STPG2: variants seen among roughly 807,000 people sequenced by gnomAD.
The protein encoded by STPG2 is sperm-tail PG-rich repeat-containing protein 2.
In STPG2, 56 loss-of-function variants were observed where a neutral mutation model predicts 54.2. That is an observed-to-expected ratio of 1.03 (90% CI 0.83 to 1.29). STPG2 has a LOEUF of 1.29. Ranked by LOEUF, STPG2 falls within the 50% of genes most tolerant of loss-of-function variation. The pLI is 0.00. For synonymous variants in STPG2, 200 were observed against 181.8 expected (o/e 1.10, Z -0.81); for missense variants, 596 against 544.9 (o/e 1.09, Z -0.93).
At chr4:97,788,936 A>C (rs923211530) in intron 9 of STPG2, among the ~76,000 whole-genome samples, 1 of 152,092 alleles carries the variant, frequency 6.6e-6, no homozygotes, top group African/African-American at 2.4e-5. Context: ...CAATTTTACT[A>C]ACTCTTAAAA....
intron 2 of STPG2, among the ~76,000 whole-genome samples, chr4:98,130,739 G>A (rs1337318966): frequency 2.0e-5 from 3 of 151,624 alleles, no homozygotes; most frequent in South Asian, 2.1e-4. Flanking sequence ...TGGCTAACAC[G>A]GTGAAACCCC....
At chr4:98,140,680 T>A (rs995112181) in intron 1 of STPG2, among the ~76,000 whole-genome samples, 2 of 151,340 alleles carry the variant, frequency 1.3e-5, no homozygotes, top group Non-Finnish European at 2.9e-5. Flanking sequence ...TGGAAAAAAA[T>A]TTTAAAAGGG....
intron 5 of STPG2, among the ~76,000 whole-genome samples, chr4:97,983,434 C>T (rs188530718): frequency 1.0e-3 from 154 of 152,228 alleles, no homozygotes; most frequent in African/African-American, 3.7e-3. Flanking sequence ...GGTTGGCATC[C>T]CTAATCTCTA....
chr4:97,595,323 C>A (rs1188373216), intron 10 of STPG2, among the ~76,000 whole-genome samples: 1 of 151,310 alleles, frequency 6.6e-6, no homozygotes, highest in African/African-American at 2.5e-5. Context: ...AGCTGGAAAC[C>A]ATCATTCTCA....
At chr4:97,463,444 TTTGTTTTTTGTTTA>T (rs1393487174) in intron 4 of STPG2, 1 of 152,186 alleles carries the variant, frequency 6.6e-6, no homozygotes, top group Non-Finnish European at 1.5e-5. Flanking sequence ...GTTTTTGTTG[TTTGTTTTTTGTTTA>T]TTGTTTTTGA....
chr4:97,877,196 T>A (rs1042970853), intron 8 of STPG2, among the ~76,000 whole-genome samples: 1 of 152,194 alleles, frequency 6.6e-6, no homozygotes. Flanking sequence ...TTGTACCCTT[T>A]AATCAACATC....
At chr4:97,781,304 T>A (rs1726603137) in intron 9 of STPG2, among the ~76,000 whole-genome samples, 1 of 152,124 alleles carries the variant, frequency 6.6e-6, no homozygotes. Flanking sequence ...TATAAACACC[T>A]CTACGCAAAT....
chr4:97,512,080 G>C (rs534825188), intron 4 of STPG2, among the ~76,000 whole-genome samples: 16 of 152,110 alleles, frequency 1.1e-4, no homozygotes, highest in African/African-American at 3.9e-4. Flanking sequence ...AAGTTAACAA[G>C]TCATATAAGA....
intron 5 of STPG2, among the ~76,000 whole-genome samples, chr4:98,047,668 A>T (rs1248339362): frequency 6.6e-6 from 1 of 152,174 alleles, no homozygotes; most frequent in Non-Finnish European, 1.5e-5. Context: ...GGAGCACTCA[A>T]TACGTGAACA....
At chr4:98,030,414 C>T (rs534048456) in intron 5 of STPG2, among the ~76,000 whole-genome samples, 3 of 152,262 alleles carry the variant, frequency 2.0e-5, no homozygotes, top group South Asian at 4.1e-4. Context: ...TGGCTTTATA[C>T]ATTATCAAGG....
At chr4:97,899,720 G>T (rs7673305) in intron 8 of STPG2, among the ~76,000 whole-genome samples, 27,718 of 151,960 alleles carry the variant, frequency 0.18, 2,848 homozygotes, top group East Asian at 0.36. Context: ...ATGCAATGGG[G>T]AAAATAATCC....
At position 97,864,290 on chromosome 4, in the gene STPG2, C is replaced by A. The variant is rs572958597; in HGVS notation, c.1045-23358G>T. On this transcript the variant is annotated intron_variant, in intron 8 of 10. Transcript: ENST00000295268. Reference sequence around the variant, plus strand: ...TCAATGTGCAAAAATCACAAGCATTCTTAGACACCAATAACAGACAGCCAA... The same window carrying A: ...TCAATGTGCAAAAATCACAAGCATTATTAGACACCAATAACAGACAGCCAA... 5.2e-3 allele frequency among the ~76,000 whole-genome samples: 641 copies of A among 122,212 alleles called. 3 individuals carry two copies. Among genetic ancestry groups the A allele is most frequent in the South Asian group, 0.03 (117 of 3,882 alleles). 80.2% of individuals were successfully genotyped at this position (122,212 alleles called of 152,430 possible). A position where few individuals can be genotyped will look rare whatever the true frequency, so the allele number is the denominator to read the frequency against.
At chr4:97,849,775 G>A (rs377694896) in intron 8 of STPG2, among the ~76,000 whole-genome samples, 2 of 151,580 alleles carry the variant, frequency 1.3e-5, no homozygotes, top group African/African-American at 4.8e-5. Context: ...GAAACAACAG[G>A]TGCTGGAGAG....
rs556804589 is a variant in STPG2, at chr4:97,567,027, TATA to T, written c.1321-7913_1321-7911del. Among the ~76,000 whole-genome samples, 242 of 151,856 alleles carry T rather than the reference TATA, an allele frequency of 1.6e-3. 2 individuals carry two copies. The highest frequency in any genetic ancestry group is 5.5e-3 in the Admixed American group (84 of 15,266). ...TGCACATGTACCCTAAAACTTAAAG[TATA>T]ATAATAATAAAATAAATAAATAAAT... On this transcript the variant is annotated intron_variant, in intron 10 of 10. Coordinates refer to ENST00000295268, the MANE Select transcript of STPG2 (RefSeq NM_174952.3).
At chr4:97,839,041 T>A (rs1728716992) in intron 9 of STPG2, among the ~76,000 whole-genome samples, 1 of 151,596 alleles carries the variant, frequency 6.6e-6, no homozygotes, top group South Asian at 2.1e-4. Context: ...TGACAGTCAC[T>A]ATGTCTTTGA....
chr4:98,055,146 G>A (rs926173560), intron 5 of STPG2, among the ~76,000 whole-genome samples: 8 of 152,148 alleles, frequency 5.3e-5, no homozygotes, highest in African/African-American at 1.4e-4. Context: ...GATTATAGCA[G>A]AGAAACCAAA....
intron 10 of STPG2, among the ~76,000 whole-genome samples, chr4:97,591,572 C>T (rs971601914): frequency 6.6e-6 from 1 of 152,130 alleles, no homozygotes; most frequent in Non-Finnish European, 1.5e-5. Context: ...CAGATCACCA[C>T]ACTTGAAGGT....
chr4:97,882,671 C>T (rs900604697), intron 8 of STPG2, among the ~76,000 whole-genome samples: 1 of 151,954 alleles, frequency 6.6e-6, no homozygotes, highest in Admixed American at 6.6e-5. Flanking sequence ...GAAGAAAAAC[C>T]TTCTGGCAAT....
intron 9 of STPG2, among the ~76,000 whole-genome samples, chr4:97,765,862 T>G (rs963852539): frequency 6.6e-6 from 1 of 152,144 alleles, no homozygotes; most frequent in Admixed American, 6.5e-5. Flanking sequence ...CTTTAAATAT[T>G]TAATGAGTGG....
Sources: allele counts gnomAD v4.1 joint callset (sites outside exome capture counted in the v4.1 genomes callset), GRCh38; gene constraint gnomAD v4.1.1; transcripts MANE v1.5; gene names NCBI Gene and HGNC (gene_info 2026-07-23, HGNC 2026-07-21).